The following PRKCE variants were observed in gnomAD, a reference collection of about 807,000 sequenced individuals.
The protein encoded by PRKCE is protein kinase C epsilon.
PRKCE carries 16 observed loss-of-function variants against 85.4 expected under a neutral mutation model. That is an observed-to-expected ratio of 0.19 (90% CI 0.13 to 0.28). The LOEUF is 0.28. Among genes scored for constraint, PRKCE ranks in the 10% least tolerant of loss-of-function variants. PRKCE has a pLI of 1.00. For missense variants in PRKCE, 573 were observed against 975.2 expected, an observed-to-expected ratio of 0.59 and a Z score of 5.49; for synonymous variants, 388 against 371.5, an observed-to-expected ratio of 1.04 and a Z score of -0.51.
intron 1 of PRKCE, among the ~76,000 whole-genome samples, chr2:45,817,770 C>T (rs950330300): frequency 2.0e-5 from 3 of 152,194 alleles, no homozygotes; most frequent in Non-Finnish European, 4.4e-5. Flanking sequence ...GGCCTGTCTG[C>T]AGTCACCCTA....
Position 46,155,447 on chromosome 2 carries a change from C to A in PRKCE, c.1921-4159C>A, listed in dbSNP as rs1677103237. ...GCCTGGGCCCCGGGTCCTCTGGGTA[C>A]CCTGTGCTCTCCCCTGCACAGCACT... is the stretch of plus-strand genomic sequence containing the variant. On this transcript the variant is annotated intron_variant, in intron 13 of 14. Transcript: ENST00000306156. This position sits in a 1 kb window ranked among gnomAD's most constrained non-coding sequence, Gnocchi z 4.7. Among the ~76,000 whole-genome samples the A allele has an allele frequency of 6.6e-6, 1 of 152,048 alleles. No homozygotes were observed. Among genetic ancestry groups the A allele is most frequent in the African/African-American group, 2.4e-5 (1 of 41,378 alleles).
At chr2:45,993,228 G>A (rs375720124) in intron 6 of PRKCE, among the ~76,000 whole-genome samples, 1 of 152,264 alleles carries the variant, frequency 6.6e-6, no homozygotes. Flanking sequence ...CAACAGGGAC[G>A]CCCACTGTCC....
At chr2:45,690,893 A>G (rs1012007586) in intron 1 of PRKCE, among the ~76,000 whole-genome samples, 1 of 152,220 alleles carries the variant, frequency 6.6e-6, no homozygotes, top group Admixed American at 6.5e-5. Flanking sequence ...ATGCTGGCTT[A>G]CTCTGAAGCA....
chr2:46,159,644 G>A lies in PRKCE; in HGVS notation c.1959G>A (p.Val653=), dbSNP rs1467258859. ...ATCCCCACAAGCGCCTGGGCTGTGT[G>A]GCATCGCAGAATGGCGAGGACGCCA... is the stretch of plus-strand genomic sequence containing the variant. The part of the protein sequence containing the change: ...TKNPHKRLGC[V]ASQNGEDAIK... The change falls in exon 14 of 15, where the codon GTG becomes GTA. Residue 653 remains valine, a synonymous_variant. Coordinates refer to ENST00000306156, the MANE Select transcript of PRKCE (RefSeq NM_005400.3). This position sits in a 1 kb window ranked among gnomAD's most constrained non-coding sequence, Gnocchi z 4.1. 1.3e-6 allele frequency: 2 copies of A among 1,599,326 alleles called. No individual in the cohort carries two copies. Among genetic ancestry groups the A allele is most frequent in the African/African-American group, 1.3e-5 (1 of 75,042 alleles).
intron 1 of PRKCE, among the ~76,000 whole-genome samples, chr2:45,702,730 A>G (rs1206241457): frequency 1.3e-5 from 2 of 152,176 alleles, no homozygotes; most frequent in African/African-American, 4.8e-5. Context: ...CCCAGCATAT[A>G]AAGTGAATCT....
At chr2:46,076,913 C>T (rs1325200368) in intron 10 of PRKCE, among the ~76,000 whole-genome samples, 2 of 152,116 alleles carry the variant, frequency 1.3e-5, no homozygotes, top group African/African-American at 4.8e-5. Context: ...CTACGTGATA[C>T]TACTCACCTG....
intron 11 of PRKCE, among the ~76,000 whole-genome samples, chr2:46,116,038 C>G (rs1427674403): frequency 6.6e-6 from 1 of 152,198 alleles, no homozygotes; most frequent in Non-Finnish European, 1.5e-5. Context: ...GGTGAATGAT[C>G]ATTTTCCCAG....
intron 1 of PRKCE, among the ~76,000 whole-genome samples, chr2:45,665,308 G>C (rs1346727236): frequency 6.6e-6 from 1 of 152,102 alleles, no homozygotes; most frequent in African/African-American, 2.4e-5. Context: ...AGGAGGTCTT[G>C]TTCTTCTGCT....
intron 13 of PRKCE, 51 bp downstream of exon 13, chr2:46,151,280 T>TACACAC (rs35676949): frequency 0.013 from 7,345 of 558,162 alleles, 98 homozygotes; most frequent in African/African-American, 0.054. Flanking sequence ...CTCCTCCCCC[T>TACACAC]ACACACACAC....
chr2:45,872,243 A>T (rs1217439362), intron 2 of PRKCE, among the ~76,000 whole-genome samples: 2 of 152,178 alleles, frequency 1.3e-5, no homozygotes, highest in African/African-American at 2.4e-5. Context: ...TCAGCCATGC[A>T]GGAATGAAAG....
chr2:45,924,854 G>A (rs1698496317), intron 2 of PRKCE, among the ~76,000 whole-genome samples: 1 of 152,208 alleles, frequency 6.6e-6, no homozygotes, highest in Non-Finnish European at 1.5e-5. Flanking sequence ...ACAATGGAAG[G>A]CATAGGTCAG....
At chr2:45,890,343 T>C (rs1051682395) in intron 2 of PRKCE, among the ~76,000 whole-genome samples, 1 of 152,152 alleles carries the variant, frequency 6.6e-6, no homozygotes, top group Non-Finnish European at 1.5e-5. Context: ...CTTCAGTACA[T>C]AGTACTCTCT....
At chr2:45,741,742 C>G (rs1558619803) in intron 1 of PRKCE, among the ~76,000 whole-genome samples, 1 of 148,020 alleles carries the variant, frequency 6.8e-6, no homozygotes, top group Non-Finnish European at 1.5e-5. Flanking sequence ...AAGGCTAGTA[C>G]AGCCTGTGCT....
Position 45,772,831 on chromosome 2 carries a change from T to A in PRKCE, c.349-70169T>A, listed in dbSNP as rs1199764798. Among the ~76,000 whole-genome samples the A allele has an allele frequency of 3.9e-5, 6 of 152,186 alleles. 1 individual carries two copies. The East Asian group carries it at 1.2e-3, about 29-fold the overall frequency. On this transcript the variant is annotated intron_variant, in intron 1 of 14. Transcript: ENST00000306156. Reference sequence around the variant, plus strand: ...AGAGGACAAGGTGTCCTCCTCCCATTCTTAGCATGGAAAGGCATGCTGCAT... The same window carrying A: ...AGAGGACAAGGTGTCCTCCTCCCATACTTAGCATGGAAAGGCATGCTGCAT...
chr2:46,152,919 C>T (rs1676790205), intron 13 of PRKCE, among the ~76,000 whole-genome samples: 1 of 152,110 alleles, frequency 6.6e-6, no homozygotes, highest in South Asian at 2.1e-4. Flanking sequence ...GTGCATGTAC[C>T]ATGTTTTAGA....
chr2:45,785,566 C>T (rs1197803494), intron 1 of PRKCE, among the ~76,000 whole-genome samples: 1 of 151,970 alleles, frequency 6.6e-6, no homozygotes, highest in African/African-American at 2.4e-5. Flanking sequence ...GCATGACTGG[C>T]AGAGGTTTGA....
At chr2:46,066,449 T>C (rs2103678714) in intron 10 of PRKCE, among the ~76,000 whole-genome samples, 1 of 152,322 alleles carries the variant, frequency 6.6e-6, no homozygotes, top group African/African-American at 2.4e-5. Flanking sequence ...TTTTTGATTT[T>C]CCCATCTCCA....
At chr2:45,707,529 A>G (rs888555277) in intron 1 of PRKCE, among the ~76,000 whole-genome samples, 5 of 152,220 alleles carry the variant, frequency 3.3e-5, no homozygotes, top group African/African-American at 1.2e-4. Context: ...GGCCAAGGTC[A>G]CAAAGCAGAC....
chr2:45,913,459 G>T (rs912695721), intron 2 of PRKCE, among the ~76,000 whole-genome samples: 1 of 152,190 alleles, frequency 6.6e-6, no homozygotes, highest in African/African-American at 2.4e-5. Flanking sequence ...CAGCAAGAGC[G>T]CTTGGCTCCT....
Sources: gnomAD v4.1 joint callset for allele counts (sites outside exome capture counted in the v4.1 genomes callset) on GRCh38, gnomAD v4.1.1 for gene constraint, Gnocchi (gnomAD v3.1) non-coding constraint, MANE v1.5 for transcripts, NCBI Gene and HGNC (gene_info 2026-07-23, HGNC 2026-07-21) for gene names.